PCDH15: variants seen among roughly 807,000 people sequenced by gnomAD.
PCDH15 encodes protocadherin-15.
Under a neutral mutation model 178.5 loss-of-function variants are expected in PCDH15, and 129 were observed. That is an observed-to-expected ratio of 0.72 (90% CI 0.63 to 0.84). The LOEUF (loss-of-function observed/expected upper bound fraction) is 0.84. Among genes scored for constraint, PCDH15 ranks in the 40% least tolerant of loss-of-function variants. The pLI, the probability that PCDH15 is intolerant of heterozygous loss-of-function variation, is 0.00. For missense variants in PCDH15, 2,230 were observed against 2,099.9 expected (o/e 1.06, Z -1.21); for synonymous variants, 800 against 732.0 (o/e 1.09, Z -1.50).
At chr10:55,220,815 TGTTAA>T (rs1840852368) in intron 1 of PCDH15, among the ~76,000 whole-genome samples, 1 of 152,096 alleles carries the variant, frequency 6.6e-6, no homozygotes, top group Non-Finnish European at 1.5e-5. Context: ...ACTTTGTTGT[TGTTAA>T]GTTAGGTAAT....
chr10:54,027,416 T>G (rs1342500284), intron 18 of PCDH15, among the ~76,000 whole-genome samples: 2 of 152,136 alleles, frequency 1.3e-5, no homozygotes, highest in Non-Finnish European at 2.9e-5. Flanking sequence ...CCAATGCCTT[T>G]CTTCACAGAA....
rs143169047 is a variant in PCDH15, at chr10:55,394,034, G to C, written c.-155-227383C>G. On this transcript the variant is annotated intron_variant, in intron 2 of 5. Transcript: ENST00000613346. ...TATTTGTGACCCCATTGTGTCATAG[G>C]GACCCTGTGAGGCATAAAACCCAAC... Among the ~76,000 whole-genome samples the C allele has an allele frequency of 3.3e-3, 504 of 151,902 alleles. 2 individuals are homozygous for C. The highest frequency in any genetic ancestry group is 9.8e-3 in the African/African-American group (408 of 41,422).
rs1331739750 is a variant in PCDH15 at position 53,840,439 on chromosome 10, G to A, written c.3864C>T (p.Ser1288=). ...QIPGAKVVVE[S]IGARRHGDAF... ...CATCTCCATGCCGGCGAGCTCCAATGGACTCCACTACGACCTTGGCACCAG... is the reference window on the plus strand; with the variant it reads ...CATCTCCATGCCGGCGAGCTCCAATAGACTCCACTACGACCTTGGCACCAG... The change falls in exon 29 of 38, where the codon TCC becomes TCT. Residue 1288 remains serine (S), a synonymous_variant. Coordinates refer to ENST00000644397, the MANE Select transcript of PCDH15 (RefSeq NM_001384140.1). 1 of 1,613,954 alleles carries A rather than the reference G, an allele frequency of 6.2e-7. No homozygotes were observed. The highest frequency in any genetic ancestry group is 8.5e-7 in the Non-Finnish European group (1 of 1,179,958).
intron 29 of PCDH15, among the ~76,000 whole-genome samples, chr10:53,839,152 G>A (rs541072399): frequency 1.4e-4 from 20 of 139,420 alleles, no homozygotes; most frequent in Admixed American, 2.3e-4. Context: ...TGCAGTGAGC[G>A]AGATTGCGCC....
In PCDH15 at chr10:54,346,352, G is replaced by A; in HGVS notation, c.594+13C>T. On this transcript the variant is annotated intron_variant, in intron 6 of 37. Coordinates refer to ENST00000644397, the MANE Select transcript of PCDH15 (RefSeq NM_001384140.1). The stretch of plus-strand genomic sequence containing the variant: ...TTTTAAGAAAATTACATTGCAAATA[G>A]GTATTTACATACCGGATCATCTGGA... 1.2e-6 allele frequency: 2 copies of A among 1,610,908 alleles called. No homozygotes were observed. The highest frequency in any genetic ancestry group is 2.2e-5 in the South Asian group (2 of 90,978).
At chr10:55,310,523 C>T (rs920498804) in intron 1 of PCDH15, among the ~76,000 whole-genome samples, 2 of 151,844 alleles carry the variant, frequency 1.3e-5, no homozygotes, top group East Asian at 3.9e-4. Flanking sequence ...TAAAATTATG[C>T]TAAAGAAAAT....
intron 2 of PCDH15, among the ~76,000 whole-genome samples, chr10:55,585,802 A>G (rs1353751331): frequency 1.3e-5 from 2 of 152,068 alleles, no homozygotes; most frequent in Non-Finnish European, 2.9e-5. Context: ...AGAGAGAGAT[A>G]GACTGTTCTG....
At position 55,612,850 on chromosome 10, in the gene PCDH15, G is replaced by T. The variant is rs182366056; in HGVS notation, c.-156+14775C>A. Among the ~76,000 whole-genome samples the T allele has an allele frequency of 2.0e-3, 309 of 151,982 alleles. 2 individuals are homozygous for T. Among genetic ancestry groups the T allele is most frequent in the African/African-American group, 7.3e-3 (302 of 41,446 alleles). ...GCATTGCCTTTAATGTATCTGCATGGTTCCCACATCATTTCATAAACTTCA... is the reference window on the plus strand; with the variant it reads ...GCATTGCCTTTAATGTATCTGCATGTTTCCCACATCATTTCATAAACTTCA... On this transcript the variant is annotated intron_variant, in intron 2 of 5. Transcript: ENST00000613346.
intron 2 of PCDH15, among the ~76,000 whole-genome samples, chr10:55,483,987 C>T (rs141170782): frequency 2.5e-4 from 38 of 151,864 alleles, no homozygotes; most frequent in East Asian, 3.9e-4. Flanking sequence ...TGAATGACAT[C>T]GTGTCCTTTG....
At chr10:54,395,368 A>T (rs1234371986) in intron 3 of PCDH15, among the ~76,000 whole-genome samples, 7 of 151,946 alleles carry the variant, frequency 4.6e-5, no homozygotes, top group Non-Finnish European at 7.4e-5. Context: ...TAAAATAAAA[A>T]AAAAAAAAGA....
intron 5 of PCDH15, among the ~76,000 whole-genome samples, chr10:54,362,834 TAGACCG>T (rs1946256245): frequency 6.6e-6 from 1 of 152,128 alleles, no homozygotes; most frequent in Non-Finnish European, 1.5e-5. Flanking sequence ...GTTTTATAAA[TAGACCG>T]TAATTCATAT....
intron 2 of PCDH15, among the ~76,000 whole-genome samples, chr10:55,358,028 A>G (rs1022956531): frequency 1.3e-5 from 2 of 152,112 alleles, no homozygotes; most frequent in Non-Finnish European, 2.9e-5. Flanking sequence ...AAGCAGCCCA[A>G]CACAAGAGTA....
chr10:54,730,268 G>C (rs1943155283), intron 1 of PCDH15, among the ~76,000 whole-genome samples: 1 of 151,418 alleles, frequency 6.6e-6, no homozygotes, highest in Non-Finnish European at 1.5e-5. Flanking sequence ...TGGAACTGGA[G>C]GCTATTATCT....
At chr10:54,401,441 G>A (rs1482978016) in intron 3 of PCDH15, among the ~76,000 whole-genome samples, 3 of 151,812 alleles carry the variant, frequency 2.0e-5, no homozygotes, top group Non-Finnish European at 4.4e-5. Context: ...GCTGGTAGAG[G>A]TAACCTCATT....
intron 1 of PCDH15, among the ~76,000 whole-genome samples, chr10:54,728,133 G>C (rs1190985100): frequency 6.6e-6 from 1 of 151,470 alleles, no homozygotes; most frequent in Non-Finnish European, 1.5e-5. Context: ...GAAGGTAAAA[G>C]AGAACTTCAG....
At chr10:54,931,272 A>G (rs144335035) in intron 2 of PCDH15, among the ~76,000 whole-genome samples, 2 of 152,326 alleles carry the variant, frequency 1.3e-5, no homozygotes, top group African/African-American at 4.8e-5. Flanking sequence ...AAACAGAAAC[A>G]TATCATTTAT....
intron 1 of PCDH15, among the ~76,000 whole-genome samples, chr10:55,211,491 C>A (rs1840571201): frequency 6.6e-6 from 1 of 152,020 alleles, no homozygotes; most frequent in Admixed American, 6.6e-5. Context: ...AAAAGAAATT[C>A]ACATAGAGCT....
At chr10:54,534,422 T>C (rs1379431620) in intron 2 of PCDH15, among the ~76,000 whole-genome samples, 4 of 152,072 alleles carry the variant, frequency 2.6e-5, no homozygotes, top group Non-Finnish European at 5.9e-5. Flanking sequence ...TAGGGAAAAA[T>C]AGACTCCTTG....
At chr10:54,370,608 C>T (rs886680529) in intron 4 of PCDH15, among the ~76,000 whole-genome samples, 12 of 151,742 alleles carry the variant, frequency 7.9e-5, no homozygotes, top group African/African-American at 2.9e-4. Context: ...CTCTATGCTT[C>T]GTTTATTCAT....
Sources: allele counts gnomAD v4.1 joint callset (sites outside exome capture counted in the v4.1 genomes callset), GRCh38; gene constraint gnomAD v4.1.1; transcripts MANE v1.5; gene names NCBI Gene and HGNC (gene_info 2026-07-23, HGNC 2026-07-21).